The following SLIT3 variants were observed in gnomAD, a reference collection of about 807,000 sequenced individuals.
SLIT3 encodes slit guidance ligand 3.
SLIT3 carries 68 observed loss-of-function variants against 184.0 expected under a neutral mutation model. The ratio of observed to expected loss-of-function variants is 0.37; its 90% CI spans 0.30 to 0.45. The LOEUF (loss-of-function observed/expected upper bound fraction) is 0.45, where lower values mean the gene tolerates loss of function less well. Ranked by LOEUF, SLIT3 falls within the 20% of genes least tolerant of loss-of-function variation. The pLI is 1.00. For missense variants in SLIT3, 1,707 were observed against 2,026.0 expected (o/e 0.84, Z 3.02); for synonymous variants, 831 against 828.6 (o/e 1.00, Z -0.05).
At chr5:168,709,683 T>TAATTAAAGTGTATCTATATATCA (rs199869758) in intron 25 of SLIT3, among the ~76,000 whole-genome samples, 4,126 of 152,196 alleles carry the variant, frequency 0.027, 192 homozygotes, top group African/African-American at 0.094. Flanking sequence ...TTTGAGAGGG[T>TAATTAAAGTGTATCTATATATCA]AATTAAAGTG....
At chr5:169,178,574 C>CG (rs1353351122) in intron 4 of SLIT3, among the ~76,000 whole-genome samples, 9 of 152,116 alleles carry the variant, frequency 5.9e-5, no homozygotes, top group African/African-American at 2.2e-4. Flanking sequence ...TGAGATATAC[C>CG]GCACCCCACC....
At chr5:168,934,154 C>A (rs1762079958) in intron 4 of SLIT3, among the ~76,000 whole-genome samples, 1 of 152,194 alleles carries the variant, frequency 6.6e-6, no homozygotes, top group Non-Finnish European at 1.5e-5. Flanking sequence ...CTAAAGAGAT[C>A]CATTTGCCAA....
intron 4 of SLIT3, among the ~76,000 whole-genome samples, chr5:168,937,484 G>A (rs866092391): frequency 6.6e-6 from 1 of 152,150 alleles, no homozygotes; most frequent in African/African-American, 2.4e-5. Context: ...CAGAGGGGCA[G>A]AGGTGAAATG....
chr5:169,045,414 T>A (rs1488394187), intron 4 of SLIT3, among the ~76,000 whole-genome samples: 2 of 144,672 alleles, frequency 1.4e-5, no homozygotes, highest in African/African-American at 5.3e-5. Flanking sequence ...TTCTTCCAAG[T>A]GTAGTCCATG....
intron 4 of SLIT3, among the ~76,000 whole-genome samples, chr5:168,925,178 G>C (rs1761775488): frequency 6.6e-6 from 1 of 152,198 alleles, no homozygotes; most frequent in African/African-American, 2.4e-5. Context: ...TGTCAATTCT[G>C]TAGCAAAAGA....
intron 1 of SLIT3, among the ~76,000 whole-genome samples, chr5:169,284,663 C>T (rs1767097771): frequency 1.3e-5 from 2 of 152,152 alleles, no homozygotes; most frequent in African/African-American, 4.8e-5. Flanking sequence ...AGGGACTTAT[C>T]TACATTCACA....
At chr5:169,188,767 T>G (rs535742301) in intron 4 of SLIT3, among the ~76,000 whole-genome samples, 201 of 152,332 alleles carry the variant, frequency 1.3e-3, no homozygotes, top group African/African-American at 4.4e-3. Context: ...AATTCCCATT[T>G]ATCCTCACAA....
intron 5 of SLIT3, among the ~76,000 whole-genome samples, chr5:168,865,124 G>T (rs1391344948): frequency 7.9e-6 from 1 of 127,336 alleles, no homozygotes; most frequent in Non-Finnish European, 1.6e-5. Context: ...AGTGAGCCAA[G>T]ATTGTGCCAT....
intron 4 of SLIT3, among the ~76,000 whole-genome samples, chr5:169,020,829 C>T (rs1756570513): frequency 6.6e-6 from 1 of 152,218 alleles, no homozygotes; most frequent in Admixed American, 6.5e-5. Flanking sequence ...TCTCTGCTCA[C>T]TTTCTAAAAT....
chr5:168,718,448 A>T (rs1054454901), intron 23 of SLIT3, among the ~76,000 whole-genome samples: 9 of 152,254 alleles, frequency 5.9e-5, no homozygotes, highest in Admixed American at 5.2e-4. Flanking sequence ...GACTGGGGCA[A>T]GACAGTTGGG....
chr5:168,826,401 C>A (rs1244613990), intron 6 of SLIT3, among the ~76,000 whole-genome samples: 2 of 152,288 alleles, frequency 1.3e-5, no homozygotes, highest in South Asian at 4.1e-4. Context: ...GATTTCCAGT[C>A]TTGGCAGCTT....
rs17070565 is a variant in SLIT3 at position 168,867,201 on chromosome 5, T to C, written c.485+16064A>G. 8.5e-3 allele frequency among the ~76,000 whole-genome samples: 1,288 copies of C among 152,280 alleles called. 18 individuals are homozygous for C. The highest frequency in any genetic ancestry group is 0.03 in the African/African-American group (1,241 of 41,544). ...AAACTATGCTTGGAAACATTGCACG[T>C]GGCTACAATGAAACCATGCAATTAT... On this transcript the variant is annotated intron_variant, in intron 5 of 35. Transcript: ENST00000519560.
intron 4 of SLIT3, among the ~76,000 whole-genome samples, chr5:169,086,016 A>G (rs949170967): frequency 6.6e-6 from 1 of 152,034 alleles, no homozygotes; most frequent in African/African-American, 2.4e-5. Flanking sequence ...AGAGGCCCTC[A>G]TTTTCCCTAC....
At chr5:169,003,235 T>C (rs1413693332) in intron 4 of SLIT3, among the ~76,000 whole-genome samples, 1 of 152,230 alleles carries the variant, frequency 6.6e-6, no homozygotes, top group Admixed American at 6.5e-5. Flanking sequence ...TTTCAAGTTG[T>C]CACTATTCCT....
intron 1 of SLIT3, among the ~76,000 whole-genome samples, chr5:169,263,857 C>T (rs1766298120): frequency 1.3e-5 from 2 of 151,530 alleles, no homozygotes; most frequent in Non-Finnish European, 1.5e-5. Context: ...TGCCTTGTCT[C>T]CCAAAGGACC....
chr5:168,856,806 T>TGTGTGTGTGCGCGC (rs374432432), intron 5 of SLIT3, among the ~76,000 whole-genome samples: 62 of 137,808 alleles, frequency 4.5e-4, no homozygotes, highest in African/African-American at 1.5e-3. Flanking sequence ...TGTGTGTGTG[T>TGTGTGTGTGCGCGC]GCGCGCGCGC....
At chr5:168,696,499 G>C in intron 27 of SLIT3, 68 bp from the exon 28 acceptor site, 1 of 1,576,082 alleles carries the variant, frequency 6.3e-7, no homozygotes, top group South Asian at 1.1e-5. Context: ...TGGGATGGCA[G>C]AGAGGAAGAC....
At chr5:169,189,760 C>A (rs1320832158) in intron 4 of SLIT3, among the ~76,000 whole-genome samples, 3 of 151,852 alleles carry the variant, frequency 2.0e-5, no homozygotes, top group African/African-American at 7.3e-5. Flanking sequence ...TGTTCAAATT[C>A]TTTAACCTTT....
chr5:168,868,213 G>C (rs954546644), intron 5 of SLIT3, among the ~76,000 whole-genome samples: 49 of 152,186 alleles, frequency 3.2e-4, no homozygotes, highest in Non-Finnish European at 4.7e-4. Flanking sequence ...TGAGGGTGCA[G>C]AATACTAACA....
Sources: allele counts gnomAD v4.1 joint callset (sites outside exome capture counted in the v4.1 genomes callset), GRCh38; gene constraint gnomAD v4.1.1; transcripts MANE v1.5; gene names NCBI Gene and HGNC (gene_info 2026-07-23, HGNC 2026-07-21).